AFF1: variants seen among roughly 807,000 people sequenced by gnomAD.
The protein encoded by AFF1 is AF4/FMR2 family member 1.
Under a neutral mutation model 121.7 loss-of-function variants are expected in AFF1, and 48 were observed. The ratio of observed to expected loss-of-function variants is 0.39; its 90% CI spans 0.31 to 0.50. The LOEUF (loss-of-function observed/expected upper bound fraction) is 0.50. AFF1 is among the 20% of genes least tolerant of loss of function. AFF1 has a pLI of 0.76. For missense variants in AFF1, 1,523 were observed against 1,511.7 expected (o/e 1.01, Z -0.12); for synonymous variants, 613 against 563.0 (o/e 1.09, Z -1.26).
chr4:87,113,581 T>C (rs748617980), intron 11 of AFF1, among the ~76,000 whole-genome samples: 75 of 152,336 alleles, frequency 4.9e-4, no homozygotes, highest in Admixed American at 7.2e-4. Context: ...TGTTTGACTT[T>C]TAAAGAGTTC....
chr4:86,938,462 AAAAAAG>A (rs1391797139), intron 1 of AFF1, among the ~76,000 whole-genome samples: 3 of 151,872 alleles, frequency 2.0e-5, no homozygotes, highest in African/African-American at 4.8e-5. Context: ...AAAAAAAAAA[AAAAAAG>A]AAAAGGAAAA....
At chr4:86,971,054 A>T (rs747826671) in intron 2 of AFF1, among the ~76,000 whole-genome samples, 2 of 152,204 alleles carry the variant, frequency 1.3e-5, no homozygotes, top group Non-Finnish European at 2.9e-5. Context: ...TAACAGGATC[A>T]CTTGGGAAGC....
chr4:87,131,008 C>T, intron 16 of AFF1, 75 bp from the exon 17 acceptor site: 1 of 1,560,142 alleles, frequency 6.4e-7, no homozygotes, highest in Middle Eastern at 1.7e-4. Flanking sequence ...AGGAAAGTCA[C>T]ACTAAAGAAT....
chr4:86,952,227 T>C (rs1309247176), intron 2 of AFF1, among the ~76,000 whole-genome samples: 3 of 152,192 alleles, frequency 2.0e-5, no homozygotes, highest in Non-Finnish European at 4.4e-5. Context: ...TTCTAGAAAA[T>C]TTATGATTGG....
chr4:87,098,315 A>G (rs3775217), intron 8 of AFF1, among the ~76,000 whole-genome samples: 49,075 of 152,068 alleles, frequency 0.32, 8,465 homozygotes, highest in South Asian at 0.46. Flanking sequence ...TCTGTAGGTA[A>G]CTGATTAGCT....
intron 2 of AFF1, among the ~76,000 whole-genome samples, chr4:86,958,196 C>A (rs1379811147): frequency 6.8e-6 from 1 of 147,880 alleles, no homozygotes; most frequent in African/African-American, 2.5e-5. Flanking sequence ...CAGGTTCAAG[C>A]AATTCTTCTG....
At chr4:87,040,871 CTTTTTTTTTTT>C (rs780348229) in intron 2 of AFF1, among the ~76,000 whole-genome samples, 1 of 67,110 alleles carries the variant, frequency 1.5e-5, no homozygotes, top group Non-Finnish European at 2.5e-5. Flanking sequence ...CCATGCCCTG[CTTTTTTTTTTT>C]TTTTTTTTTT....
chr4:87,011,444 G>A (rs1160079069), intron 2 of AFF1, among the ~76,000 whole-genome samples: 7 of 152,146 alleles, frequency 4.6e-5, no homozygotes, highest in South Asian at 2.1e-4. Flanking sequence ...ATTGCAAAAA[G>A]CAATGCTCTT....
chr4:86,997,328 G>A (rs1158400824), intron 2 of AFF1, among the ~76,000 whole-genome samples: 2 of 152,206 alleles, frequency 1.3e-5, no homozygotes, highest in Non-Finnish European at 2.9e-5. Flanking sequence ...CTTTCACCAG[G>A]TGTGGCCCCT....
chr4:86,986,040 CAATTTAATTTAATTT>C (rs60227626), intron 2 of AFF1, among the ~76,000 whole-genome samples: 12 of 135,614 alleles, frequency 8.8e-5, no homozygotes, highest in African/African-American at 2.1e-4. Context: ...TAATTCAATT[CAATTTAATTTAATTT>C]AATTTAATTT....
intron 2 of AFF1, among the ~76,000 whole-genome samples, chr4:86,994,937 T>C (rs756780772): frequency 1.4e-4 from 21 of 152,028 alleles, no homozygotes; most frequent in Non-Finnish European, 8.8e-5. Flanking sequence ...GTGTTAGATA[T>C]CCTGTAAGAA....
intron 4 of AFF1, among the ~76,000 whole-genome samples, chr4:87,070,178 A>G (rs189100825): frequency 6.6e-6 from 1 of 152,212 alleles, no homozygotes; most frequent in East Asian, 1.9e-4. Context: ...TAATTTTTGT[A>G]TTTTTAGTAG....
At chr4:87,116,183 C>G (rs1727103545) in intron 12 of AFF1, among the ~76,000 whole-genome samples, 2 of 152,162 alleles carry the variant, frequency 1.3e-5, no homozygotes, top group South Asian at 4.2e-4. Context: ...TGGCACGTTG[C>G]AAAGTGTTGA....
At chr4:87,100,243 G>A (rs1391253751) in intron 8 of AFF1, among the ~76,000 whole-genome samples, 1 of 152,036 alleles carries the variant, frequency 6.6e-6, no homozygotes, top group African/African-American at 2.4e-5. Context: ...GGGATGCTGG[G>A]CTGTTAAACC....
At chr4:86,995,287 TCCCCCTCTC>T (rs1725042128) in intron 2 of AFF1, among the ~76,000 whole-genome samples, 1 of 65,230 alleles carries the variant, frequency 1.5e-5, no homozygotes, top group Non-Finnish European at 2.8e-5. Flanking sequence ...CCCCTCTCCC[TCCCCCTCTC>T]CCTCCCTCCC....
At position 87,138,461 on chromosome 4, in the gene AFF1, G is replaced by A. The variant is rs1257924715; in HGVS notation, c.*2760G>A. The A allele has an allele frequency of 4.3e-6, 1 of 232,368 alleles. No homozygotes were observed. The highest frequency in any genetic ancestry group is 8.5e-6 in the Non-Finnish European group (1 of 117,744). The allele number at this position is 232,368 out of a possible 1,614,324, so 14.4% of individuals were successfully genotyped here. ...CAAAGCATCTTAAGGAGTGAAAATA[G>A]AGTGTAAATCTTGCCTTTGGCACTA... On this transcript the variant is annotated 3_prime_UTR_variant, in exon 21 of 21. Transcript: ENST00000395146.
At chr4:86,951,623 C>CTTTTTTTTTTTTTTTTT (rs1285365564) in intron 2 of AFF1, among the ~76,000 whole-genome samples, 1 of 69,414 alleles carries the variant, frequency 1.4e-5, no homozygotes, top group African/African-American at 4.6e-5. Context: ...TTCTTTTTTT[C>CTTTTTTTTTTTTTTTTT]TTTTTTTTTT....
At chr4:87,003,492 G>T (rs1309913115) in intron 2 of AFF1, among the ~76,000 whole-genome samples, 4 of 152,112 alleles carry the variant, frequency 2.6e-5, no homozygotes, top group East Asian at 3.8e-4. Context: ...GCCCTCAAGC[G>T]ATCTTTTTAC....
intron 2 of AFF1, among the ~76,000 whole-genome samples, chr4:87,001,631 C>G (rs1042834798): frequency 6.6e-6 from 1 of 152,086 alleles, no homozygotes; most frequent in Non-Finnish European, 1.5e-5. Context: ...GCCCTTAGGT[C>G]GTGAGAATCT....
Sources: allele counts gnomAD v4.1 joint callset (sites outside exome capture counted in the v4.1 genomes callset), GRCh38; gene constraint gnomAD v4.1.1; transcripts MANE v1.5; gene names NCBI Gene and HGNC (gene_info 2026-07-23, HGNC 2026-07-21).